Variants in SLMAP observed in about 807,000 individuals in gnomAD.
The protein encoded by SLMAP is sarcolemmal membrane-associated protein.
Under a neutral mutation model 128.8 loss-of-function variants are expected in SLMAP, and 44 were observed. That is an observed-to-expected ratio of 0.34 (90% CI 0.27 to 0.44). SLMAP has a LOEUF of 0.44. Ranked by LOEUF, SLMAP falls within the 20% of genes least tolerant of loss-of-function variation. The probability of loss-of-function intolerance (pLI) is 1.00; values close to 1 mark genes in which losing one functional copy is unlikely to be tolerated. For missense variants in SLMAP, 787 were observed against 985.3 expected, an observed-to-expected ratio of 0.80 and a Z score of 2.69; for synonymous variants, 327 against 348.8, an observed-to-expected ratio of 0.94 and a Z score of 0.70.
At chr3:57,828,766 T>C (rs1272620321) in intron 2 of SLMAP, among the ~76,000 whole-genome samples, 1 of 152,014 alleles carries the variant, frequency 6.6e-6, no homozygotes, top group Non-Finnish European at 1.5e-5. Context: ...AGAACCTGGG[T>C]TGATATTGAT....
rs553109728 is a variant in SLMAP, at chr3:57,909,562, CT to C, written c.1699+415del. On this transcript the variant is annotated intron_variant, in intron 19 of 24. Transcript: ENST00000671191. Reference sequence around the variant, plus strand: ...GGCAGAGAGTCCCCATTTTTCATGGCTTTGATTCTCTAGAACCTCACATTTC... The same window carrying C: ...GGCAGAGAGTCCCCATTTTTCATGGCTTGATTCTCTAGAACCTCACATTTC... Among the ~76,000 whole-genome samples the C allele has an allele frequency of 2.8e-3, 428 of 151,334 alleles. 3 individuals carry two copies. Among genetic ancestry groups the C allele is most frequent in the African/African-American group, 9.9e-3 (410 of 41,328 alleles).
At position 57,864,640 on chromosome 3, in the gene SLMAP, A is replaced by G; in HGVS notation, c.1059A>G (p.Glu353=). Residue 353 remains glutamate, a synonymous_variant, in exon 11 of 25, where the codon GAA becomes GAG. Coordinates refer to ENST00000671191, the MANE Select transcript of SLMAP (RefSeq NM_001377540.1). The stretch of plus-strand genomic sequence containing the variant: ...AAATAGATGAAATGGAAGAAAAAGA[A>G]CAGGAGCTCCAGGCAAAAATAGAAG... ...QHKIDEMEEK[E]QELQAKIEAL... The G allele has an allele frequency of 6.3e-7, 1 of 1,599,762 alleles. No individual in the cohort carries two copies. Among genetic ancestry groups the G allele is most frequent in the South Asian group, 1.2e-5 (1 of 86,584 alleles).
At chr3:57,906,300 C>CTTTTTTTTTTTTTTTTTTTTTTTTTTT (rs112949836) in intron 17 of SLMAP, among the ~76,000 whole-genome samples, 4 of 71,286 alleles carry the variant, frequency 5.6e-5, no homozygotes, top group East Asian at 9.5e-4. Context: ...AAATTTTTTT[C>CTTTTTTTTTTTTTTTTTTTTTTTTTTT]TTTTTTTTTC....
At position 57,907,952 on chromosome 3, in the gene SLMAP, A is replaced by T. The variant is rs2096607654; in HGVS notation, c.1570A>T (p.Ile524Phe). ...QEIQHLRKEL[I>F]EAQELARTSK... ...AATACAGCATCTTCGAAAGGAATTG[A>T]TCGAAGCCCAGGAGCTAGCTAGAAC... Residue 524 changes from isoleucine (I) to phenylalanine (F), a missense_variant, in exon 18 of 25, where the codon ATC becomes TTC. By Grantham distance (21) the Ile-to-Phe change is conservative. Around this residue, in one of 2 missense-constraint regions of SLMAP, gnomAD observed 715 missense variants for 843.6 expected, o/e 0.85. Transcript: ENST00000671191. 1 of 1,613,664 alleles carries T rather than the reference A, an allele frequency of 6.2e-7. No homozygotes were observed. The highest frequency in any genetic ancestry group is 1.7e-5 in the Admixed American group (1 of 60,008).
chr3:57,877,853 T>TC (rs2095640409), intron 14 of SLMAP, among the ~76,000 whole-genome samples: 1 of 137,840 alleles, frequency 7.3e-6, no homozygotes, highest in African/African-American at 2.7e-5. Flanking sequence ...TTTTTTTTTT[T>TC]AAACAGAGTC....
intron 10 of SLMAP, among the ~76,000 whole-genome samples, chr3:57,863,285 A>G (rs945864202): frequency 1.5e-4 from 23 of 150,896 alleles, no homozygotes; most frequent in African/African-American, 4.6e-4. Flanking sequence ...ATAACTGAGG[A>G]AAAAAAAAAT....
chr3:57,917,277 C>A, intron 22 of SLMAP, 200 bp downstream of exon 22: 1 of 1,366,934 alleles, frequency 7.3e-7, no homozygotes, highest in Non-Finnish European at 9.7e-7. Context: ...TAGGGTTGGT[C>A]TCAAAAATAT....
rs146669305 is a variant in SLMAP, at chr3:57,859,520, G to A, written c.688-1179G>A. The stretch of plus-strand genomic sequence containing the variant: ...CAGTGAGTTATGATCGCAGAACTGC[G>A]CTCCAGCCTTGGTGACAAAGAGAGA... On this transcript the variant is annotated intron_variant, in intron 8 of 24. Transcript: ENST00000671191. Among the ~76,000 whole-genome samples, 13 of 152,094 alleles carry A rather than the reference G, an allele frequency of 8.5e-5. No homozygotes were observed. The South Asian group carries it at 1.2e-3, about 15-fold the overall frequency.
chr3:57,906,269 A>C (rs1339296533), intron 17 of SLMAP, among the ~76,000 whole-genome samples: 3 of 124,554 alleles, frequency 2.4e-5, no homozygotes, highest in Non-Finnish European at 5.3e-5. Context: ...TAAGTTGACT[A>C]GAGTAGCTGA....
At chr3:57,920,878 A>G (rs1379109981) in intron 22 of SLMAP, among the ~76,000 whole-genome samples, 1 of 152,094 alleles carries the variant, frequency 6.6e-6, no homozygotes, top group Non-Finnish European at 1.5e-5. Flanking sequence ...TTAGCCAGGC[A>G]TGGTGGTGCA....
intron 22 of SLMAP, chr3:57,917,902 A>G (rs1474816842): frequency 6.6e-6 from 1 of 152,218 alleles, no homozygotes; most frequent in Non-Finnish European, 1.5e-5. Flanking sequence ...ATGAATTAGA[A>G]GGAAGTTGAA....
chr3:57,811,496 T>A (rs948555302), intron 2 of SLMAP, among the ~76,000 whole-genome samples: 2 of 152,222 alleles, frequency 1.3e-5, no homozygotes, highest in African/African-American at 4.8e-5. Context: ...CATTCATCTA[T>A]TGATGGACAC....
At position 57,869,636 on chromosome 3, in the gene SLMAP, A is replaced by ATATATAT. The variant is rs1553900292; in HGVS notation, c.1238-1999_1238-1993dup. Among the ~76,000 whole-genome samples, 8 of 124,334 alleles carry ATATATAT rather than the reference A, an allele frequency of 6.4e-5. 2 individuals are homozygous for ATATATAT. Among genetic ancestry groups the ATATATAT allele is most frequent in the South Asian group, 4.8e-4 (2 of 4,182 alleles). The allele number at this position is 124,334 out of a possible 152,430, so 81.6% of individuals were successfully genotyped here. A position where few individuals can be genotyped will look rare whatever the true frequency, so the allele number is the denominator to read the frequency against. ...TAGCAAGATCCCATCTCTATTATAT[A>ATATATAT]TATATATATATATATATATATATAA... On this transcript the variant is annotated intron_variant, in intron 13 of 24. Transcript: ENST00000671191.
chr3:57,856,614 T>G (rs2094803892), intron 6 of SLMAP, among the ~76,000 whole-genome samples: 1 of 152,174 alleles, frequency 6.6e-6, no homozygotes, highest in South Asian at 2.1e-4. Context: ...TAACAGTGCC[T>G]TCTTCTGGAT....
intron 2 of SLMAP, among the ~76,000 whole-genome samples, chr3:57,786,588 ACT>A (rs1435763880): frequency 3.1e-4 from 43 of 137,582 alleles, no homozygotes; most frequent in African/African-American, 1.1e-3. Flanking sequence ...ACAGAGTCTC[ACT>A]CTGTTATCCA....
intron 17 of SLMAP, among the ~76,000 whole-genome samples, chr3:57,906,332 T>TTTTTTTTTTTTTTTTTC (rs1491216777): frequency 7.3e-6 from 1 of 136,952 alleles, no homozygotes; most frequent in Admixed American, 8.0e-5. Flanking sequence ...TTTTTTTTTT[T>TTTTTTTTTTTTTTTTTC]AGAGACACAG....
intron 2 of SLMAP, among the ~76,000 whole-genome samples, chr3:57,776,350 T>C (rs938165981): frequency 1.3e-5 from 2 of 152,204 alleles, no homozygotes; most frequent in South Asian, 2.1e-4. Flanking sequence ...GTGGTTCTTA[T>C]CTGTTGGCTG....
chr3:57,804,090 A>G (rs902601012), intron 2 of SLMAP, among the ~76,000 whole-genome samples: 14 of 152,218 alleles, frequency 9.2e-5, no homozygotes, highest in African/African-American at 3.4e-4. Flanking sequence ...TTAATTTGAC[A>G]GATTGTCTGC....
chr3:57,836,599 A>C (rs553193127), intron 3 of SLMAP, among the ~76,000 whole-genome samples: 1 of 152,276 alleles, frequency 6.6e-6, no homozygotes, highest in East Asian at 1.9e-4. Flanking sequence ...CAGTCTCCCA[A>C]AGTGGTGGGA....
Sources: gnomAD v4.1 joint callset for allele counts (sites outside exome capture counted in the v4.1 genomes callset) on GRCh38, gnomAD v4.1.1 for gene constraint, gnomAD v4.1.1 regional missense constraint, MANE v1.5 for transcripts, NCBI Gene and HGNC (gene_info 2026-07-23, HGNC 2026-07-21) for gene names.